The following STAB2 variants were observed in gnomAD, a reference collection of about 807,000 sequenced individuals.
The protein encoded by STAB2 is stabilin 2, also known as stabilin-2.
Under a neutral mutation model 338.1 loss-of-function variants are expected in STAB2, and 288 were observed. The observed-to-expected ratio is 0.85, with a 90% CI of 0.77 to 0.94. The LOEUF (loss-of-function observed/expected upper bound fraction) is 0.94, where lower values mean the gene tolerates loss of function less well. Ranked by LOEUF, STAB2 falls within the 40% of genes least tolerant of loss-of-function variation. The pLI, the probability that STAB2 is intolerant of heterozygous loss-of-function variation, is 0.00. For missense variants in STAB2, 3,141 were observed against 3,210.1 expected, an observed-to-expected ratio of 0.98 and a Z score of 0.52; for synonymous variants, 1,202 against 1,193.3, an observed-to-expected ratio of 1.01 and a Z score of -0.15.
At chr12:103,597,860 G>C (rs1240935056) in intron 3 of STAB2, among the ~76,000 whole-genome samples, 1 of 152,020 alleles carries the variant, frequency 6.6e-6, no homozygotes, top group African/African-American at 2.4e-5. Flanking sequence ...GTGCAAAGGA[G>C]TTACACCCAA....
chr12:103,758,390 T>C, intron 64 of STAB2, 101 bp downstream of exon 64: 1 of 1,558,114 alleles, frequency 6.4e-7, no homozygotes, highest in Non-Finnish European at 8.7e-7. Context: ...GGCTACACAT[T>C]TATTTAGCTC....
chr12:103,707,356 A>G (rs1566033811), intron 38 of STAB2, among the ~76,000 whole-genome samples: 1 of 152,268 alleles, frequency 6.6e-6, no homozygotes, highest in African/African-American at 2.4e-5. Context: ...TTTAATCCAC[A>G]CAGGAACCTT....
At chr12:103,681,095 G>A (rs1342720909) in intron 25 of STAB2, among the ~76,000 whole-genome samples, 1 of 152,214 alleles carries the variant, frequency 6.6e-6, no homozygotes, top group African/African-American at 2.4e-5. Flanking sequence ...CACAGCGTCT[G>A]AGGGCTGCTT....
At chr12:103,665,286 G>A (rs905731759) in intron 18 of STAB2, among the ~76,000 whole-genome samples, 1 of 152,200 alleles carries the variant, frequency 6.6e-6, no homozygotes, top group East Asian at 1.9e-4. Flanking sequence ...TGAATCTATA[G>A]CTGCCTTTGG....
chr12:103,740,770 T>C lies in STAB2; in HGVS notation c.5881+14T>C, dbSNP rs377218641. 7 of 1,559,960 alleles carry C rather than the reference T, an allele frequency of 4.5e-6. No homozygotes were observed. The highest frequency in any genetic ancestry group is 1.4e-5 in the African/African-American group (1 of 71,490). On this transcript the variant is annotated intron_variant, in intron 55 of 68. Coordinates refer to ENST00000388887, the MANE Select transcript of STAB2 (RefSeq NM_017564.10). The stretch of plus-strand genomic sequence containing the variant: ...GAGACTGTCAGGGTGAGGGTGCCTC[T>C]TCCCCCCTCGCAACTCTAAAAGTGG...
At chr12:103,714,688 A>C (rs747456889) in intron 42 of STAB2, among the ~76,000 whole-genome samples, 1 of 108,262 alleles carries the variant, frequency 9.2e-6, no homozygotes, top group Non-Finnish European at 1.7e-5. Context: ...CTCCATTTCC[A>C]AAAAAAAAAA....
chr12:103,711,643 G>T, intron 40 of STAB2, 127 bp downstream of exon 40: 1 of 1,110,768 alleles, frequency 9.0e-7, no homozygotes, highest in South Asian at 1.5e-5. Context: ...GGATAAACTT[G>T]AGTATGAAAC....
intron 44 of STAB2, among the ~76,000 whole-genome samples, chr12:103,718,192 T>C (rs1880480961): frequency 6.6e-6 from 1 of 152,158 alleles, no homozygotes; most frequent in South Asian, 2.1e-4. Flanking sequence ...TCACAGCAAC[T>C]TTCCACTCCT....
chr12:103,638,315 A>G lies in STAB2; in HGVS notation c.906+103A>G, dbSNP rs962128214. The G allele has an allele frequency of 5.2e-5, 68 of 1,312,280 alleles. 4 individuals are homozygous for G. Among genetic ancestry groups the G allele is most frequent in the Admixed American group, 1.6e-4 (7 of 43,054 alleles). The allele number at this position is 1,312,280 out of a possible 1,614,324, so 81.3% of individuals were successfully genotyped here. The stretch of plus-strand genomic sequence containing the variant: ...TATGCCATCCCAATTCTCCCTTTCA[A>G]TGTTCCGCTTGGTCTTCCCCTCCAG... On this transcript the variant is annotated intron_variant, in intron 8 of 68. Coordinates refer to ENST00000388887, the MANE Select transcript of STAB2 (RefSeq NM_017564.10).
intron 59 of STAB2, 143 bp downstream of exon 59, chr12:103,749,299 A>G: frequency 1.0e-6 from 1 of 975,098 alleles, no homozygotes. Context: ...GTTAAAAGTC[A>G]TTGGGCTAAA....
At chr12:103,705,879 G>A (rs1019744520) in intron 37 of STAB2, 152 bp downstream of exon 37, 2 of 736,136 alleles carry the variant, frequency 2.7e-6, no homozygotes, top group Admixed American at 2.2e-5. Flanking sequence ...ATGTAGTAGT[G>A]GTAGCAGTAA....
rs1346548138 is a variant in STAB2, at chr12:103,703,172, A to T, written c.3739A>T (p.Asn1247Tyr). 1 of 1,613,852 alleles carries T rather than the reference A, an allele frequency of 6.2e-7. No individual in the cohort carries two copies. The highest frequency in any genetic ancestry group is 8.5e-7 in the Non-Finnish European group (1 of 1,179,984). ...GCTCTATGTAAATGAGGCTCCAATAAACTACACCAATGTAGCCACTGATAA... is the reference window on the plus strand; with the variant it reads ...GCTCTATGTAAATGAGGCTCCAATATACTACACCAATGTAGCCACTGATAA... Reference protein sequence around the residue: ...DQLYVNEAPINYTNVATDKGV... With the variant: ...DQLYVNEAPIYYTNVATDKGV... Residue 1247 changes from asparagine (N) to tyrosine (Y), a missense_variant, in exon 35 of 69, where the codon AAC becomes TAC. Transcript: ENST00000388887.
At chr12:103,692,589 CTCTG>C (rs1396675145) in intron 30 of STAB2, among the ~76,000 whole-genome samples, 2 of 150,654 alleles carry the variant, frequency 1.3e-5, no homozygotes, top group African/African-American at 4.9e-5. Context: ...CTCTCTCTCT[CTCTG>C]TCTCTGTGTG....
At chr12:103,626,845 A>G (rs703617) in intron 5 of STAB2, among the ~76,000 whole-genome samples, 146,948 of 152,278 alleles carry the variant, frequency 0.96, 71,007 homozygotes, top group African/African-American at 0.99. Context: ...GTTTAGAGAT[A>G]ATTTCGAGCT....
chr12:103,614,804 C>A (rs1160098914), intron 3 of STAB2, among the ~76,000 whole-genome samples: 5 of 152,302 alleles, frequency 3.3e-5, no homozygotes, highest in Non-Finnish European at 5.9e-5. Flanking sequence ...CTGTTTAGGA[C>A]ATTCTACATA....
intron 62 of STAB2, 49 bp from the exon 63 acceptor site, chr12:103,755,563 C>G (rs766580330): frequency 6.2e-7 from 1 of 1,612,200 alleles, no homozygotes; most frequent in Non-Finnish European, 8.5e-7. Context: ...CAGTGCAGCC[C>G]TGGCCCCTGC....
chr12:103,604,797 G>A (rs1228004654), intron 3 of STAB2, among the ~76,000 whole-genome samples: 1 of 150,824 alleles, frequency 6.6e-6, no homozygotes, highest in Non-Finnish European at 1.5e-5. Context: ...CCAGCTTTTG[G>A]TTTCATTTAT....
At chr12:103,633,586 C>T (rs896103599) in intron 6 of STAB2, among the ~76,000 whole-genome samples, 4 of 152,078 alleles carry the variant, frequency 2.6e-5, no homozygotes, top group Admixed American at 1.3e-4. Flanking sequence ...GGAGGCTGAC[C>T]CGGGAGAATC....
chr12:103,723,913 G>C lies in STAB2; in HGVS notation c.4684-1062G>C, dbSNP rs143519215. Among the ~76,000 whole-genome samples the C allele has an allele frequency of 3.3e-5, 5 of 152,232 alleles. 1 individual carries two copies. Among genetic ancestry groups the C allele is most frequent in the South Asian group, 2.1e-4 (1 of 4,820 alleles). On this transcript the variant is annotated intron_variant, in intron 44 of 68. Coordinates refer to ENST00000388887, the MANE Select transcript of STAB2 (RefSeq NM_017564.10). ...GAGATAAGTTGAAATGATAAAAGTT[G>C]GTGGCCAGAGAGAGAGGGATGCTTG...
Sources: allele counts gnomAD v4.1 joint callset (sites outside exome capture counted in the v4.1 genomes callset), GRCh38; gene constraint gnomAD v4.1.1; transcripts MANE v1.5; gene names NCBI Gene and HGNC (gene_info 2026-07-23, HGNC 2026-07-21).